Variants in DNAJB4 observed in about 807,000 individuals in gnomAD.
DNAJB4 encodes dnaJ homolog subfamily B member 4.
Under a neutral mutation model 26.6 loss-of-function variants are expected in DNAJB4, and 10 were observed. That is an observed-to-expected ratio of 0.38 (90% CI 0.23 to 0.64). The LOEUF (loss-of-function observed/expected upper bound fraction) is 0.64, where lower values mean the gene tolerates loss of function less well. Among genes scored for constraint, DNAJB4 ranks in the 30% least tolerant of loss-of-function variants. The pLI, the probability that DNAJB4 is intolerant of heterozygous loss-of-function variation, is 0.58. For missense variants in DNAJB4, 328 were observed against 408.2 expected, an observed-to-expected ratio of 0.80 and a Z score of 1.69; for synonymous variants, 136 against 134.8, an observed-to-expected ratio of 1.01 and a Z score of -0.06.
chr1:78,012,226 G>A (rs1442841254), intron 1 of DNAJB4, among the ~76,000 whole-genome samples: 4 of 135,820 alleles, frequency 2.9e-5, no homozygotes, highest in East Asian at 4.4e-4. Flanking sequence ...GCAGTGGTGC[G>A]ATCTCAGCTC....
At chr1:78,011,183 G>C (rs1472471129) in intron 1 of DNAJB4, among the ~76,000 whole-genome samples, 1 of 152,074 alleles carries the variant, frequency 6.6e-6, no homozygotes. Flanking sequence ...ATCTTTTGTG[G>C]GTTAAATATT....
chr1:78,014,051 A>G (rs1169782486), intron 2 of DNAJB4, among the ~76,000 whole-genome samples: 1 of 152,004 alleles, frequency 6.6e-6, no homozygotes, highest in Non-Finnish European at 1.5e-5. Flanking sequence ...ATAAGTGCAT[A>G]TAAATATATA....
At chr1:77,983,080 G>A (rs1199418356) in intron 1 of DNAJB4, among the ~76,000 whole-genome samples, 2 of 152,232 alleles carry the variant, frequency 1.3e-5, no homozygotes, top group African/African-American at 2.4e-5. Context: ...CGAAGAGGGG[G>A]ATGTGTCAGG....
chr1:78,013,763 G>A (rs1571450188), intron 2 of DNAJB4, 144 bp downstream of exon 2: 13 of 628,888 alleles, frequency 2.1e-5, no homozygotes, highest in East Asian at 3.0e-5. Context: ...GATAGTACTA[G>A]TATTATACCT....
chr1:77,997,323 A>G (rs1314564541), intron 1 of DNAJB4, among the ~76,000 whole-genome samples: 1 of 149,960 alleles, frequency 6.7e-6, no homozygotes, highest in Non-Finnish European at 1.5e-5. Flanking sequence ...ACAAAAAAAA[A>G]AAAAAAAAAA....
chr1:77,991,196 C>T (rs1659923714), intron 1 of DNAJB4, among the ~76,000 whole-genome samples: 1 of 152,064 alleles, frequency 6.6e-6, no homozygotes, highest in Admixed American at 6.6e-5. Context: ...AACAAATATC[C>T]CTTCAAAGGT....
intron 1 of DNAJB4, among the ~76,000 whole-genome samples, chr1:78,010,831 T>A (rs1660448542): frequency 6.6e-6 from 1 of 152,244 alleles, no homozygotes; most frequent in South Asian, 2.1e-4. Flanking sequence ...TGCCTTTTTC[T>A]CTGTACCGAT....
chr1:77,991,091 G>A (rs909507360), intron 1 of DNAJB4, among the ~76,000 whole-genome samples: 1 of 152,136 alleles, frequency 6.6e-6, no homozygotes, highest in Admixed American at 6.5e-5. Context: ...CCATCTACAG[G>A]GTGAGTCTCA....
At chr1:77,983,872 A>G (rs1363550280) in intron 1 of DNAJB4, among the ~76,000 whole-genome samples, 1 of 152,204 alleles carries the variant, frequency 6.6e-6, no homozygotes, top group Non-Finnish European at 1.5e-5. Flanking sequence ...CTTGAGAACC[A>G]CTGAAATACA....
chr1:77,981,993 A>G lies in DNAJB4; in HGVS notation c.-32+1671A>G, dbSNP rs187880011. 3.5e-3 allele frequency among the ~76,000 whole-genome samples: 536 copies of G among 152,316 alleles called. 1 individual carries two copies. Among genetic ancestry groups the G allele is most frequent in the Middle Eastern group, 6.8e-3 (2 of 294 alleles). Reference sequence around the variant, plus strand: ...GCTCTCCACCTCTTCTTGTAAGACAACACTCCCAGCTTTCCATTACTTTAG... The same window carrying G: ...GCTCTCCACCTCTTCTTGTAAGACAGCACTCCCAGCTTTCCATTACTTTAG... On this transcript the variant is annotated intron_variant, in intron 1 of 2. Coordinates refer to the DNAJB4 transcript ENST00000426517.
At chr1:78,007,350 G>A (rs571650389) in intron 1 of DNAJB4, among the ~76,000 whole-genome samples, 4 of 152,294 alleles carry the variant, frequency 2.6e-5, no homozygotes, top group South Asian at 2.1e-4. Context: ...GGGAGGCCGA[G>A]ACAGGCGATC....
upstream of DNAJB4, chr1:78,004,404 G>A (rs1251746279): frequency 6.6e-6 from 1 of 152,090 alleles, no homozygotes; most frequent in Non-Finnish European, 1.5e-5. Context: ...TTAACAATGT[G>A]AAACTAGTAC....
At chr1:77,998,379 A>T (rs1404881344) in intron 1 of DNAJB4, among the ~76,000 whole-genome samples, 4 of 152,290 alleles carry the variant, frequency 2.6e-5, no homozygotes, top group Middle Eastern at 3.4e-3. Context: ...ATGAATCCAA[A>T]CTACTGTCAT....
upstream of DNAJB4, among the ~76,000 whole-genome samples, chr1:78,000,451 G>C (rs72685382): frequency 6.6e-6 from 1 of 152,124 alleles, no homozygotes; most frequent in Non-Finnish European, 1.5e-5. Context: ...GCTGTAAGTA[G>C]TATTACCAGG....
chr1:78,011,408 CT>C (rs759555334), intron 1 of DNAJB4, among the ~76,000 whole-genome samples: 5 of 151,620 alleles, frequency 3.3e-5, no homozygotes, highest in Admixed American at 2.0e-4. Context: ...ATCGTAGTGT[CT>C]AAAAAACCAT....
At chr1:77,980,512 G>A (rs1471932032) in intron 1 of DNAJB4, among the ~76,000 whole-genome samples, 2 of 151,978 alleles carry the variant, frequency 1.3e-5, no homozygotes, top group East Asian at 1.9e-4. Flanking sequence ...TACTTTAGAA[G>A]TCTTACTCTT....
chr1:78,000,975 A>G (rs1051105570), upstream of DNAJB4, among the ~76,000 whole-genome samples: 8 of 146,068 alleles, frequency 5.5e-5, no homozygotes, highest in South Asian at 6.7e-4. Context: ...CCTGGGCGAC[A>G]GAGCGAGACC....
intron 1 of DNAJB4, among the ~76,000 whole-genome samples, chr1:77,994,426 G>T (rs1349421181): frequency 6.6e-6 from 1 of 151,060 alleles, no homozygotes; most frequent in Non-Finnish European, 1.5e-5. Flanking sequence ...AAAATTATTT[G>T]AGAATTGTAA....
At chr1:78,003,390 G>C (rs1461948246), upstream of DNAJB4, among the ~76,000 whole-genome samples, 1 of 152,134 alleles carries the variant, frequency 6.6e-6, no homozygotes, top group Non-Finnish European at 1.5e-5. Flanking sequence ...CATTTCTAAT[G>C]TCATGGTGTT....
Sources: gnomAD v4.1 joint callset for allele counts (sites outside exome capture counted in the v4.1 genomes callset) on GRCh38, gnomAD v4.1.1 for gene constraint, MANE v1.5 for transcripts, NCBI Gene and HGNC (gene_info 2026-07-23, HGNC 2026-07-21) for gene names.